Variants in CPXM2 observed in about 807,000 individuals in gnomAD.
CPXM2 encodes the protein inactive carboxypeptidase-like protein X2.
Under a neutral mutation model 86.1 loss-of-function variants are expected in CPXM2, and 66 were observed. That is an observed-to-expected ratio of 0.77 (90% CI 0.63 to 0.94). CPXM2 has a LOEUF of 0.94. CPXM2 is among the 40% of genes least tolerant of loss of function. The pLI is 0.00. For synonymous variants in CPXM2, 388 were observed against 400.2 expected, an observed-to-expected ratio of 0.97 and a Z score of 0.36; for missense variants, 948 against 1,026.3, an observed-to-expected ratio of 0.92 and a Z score of 1.04.
chr10:123,805,923 C>A (rs1267257004), intron 4 of CPXM2, among the ~76,000 whole-genome samples: 3 of 152,140 alleles, frequency 2.0e-5, no homozygotes, highest in Non-Finnish European at 2.9e-5. Context: ...CAGAACTTCA[C>A]AACACTTCAA....
At chr10:123,877,786 A>G (rs1945010718) in intron 2 of CPXM2, among the ~76,000 whole-genome samples, 1 of 152,240 alleles carries the variant, frequency 6.6e-6, no homozygotes, top group Non-Finnish European at 1.5e-5. Context: ...AGGTAGTTTG[A>G]TACTTGCCAC....
chr10:123,749,914 TC>T (rs1846036741), intron 13 of CPXM2, among the ~76,000 whole-genome samples: 1 of 151,710 alleles, frequency 6.6e-6, no homozygotes, highest in African/African-American at 2.4e-5. Flanking sequence ...CAAGCAATTC[TC>T]CTGCCTTAGC....
At chr10:123,868,090 G>A (rs931897465) in intron 2 of CPXM2, among the ~76,000 whole-genome samples, 1 of 152,182 alleles carries the variant, frequency 6.6e-6, no homozygotes, top group African/African-American at 2.4e-5. Context: ...GCAGTTCCTA[G>A]GCCTTCAGAG....
chr10:123,823,192 G>C (rs903845915), intron 4 of CPXM2, among the ~76,000 whole-genome samples: 2 of 152,128 alleles, frequency 1.3e-5, no homozygotes, highest in Non-Finnish European at 2.9e-5. Context: ...GAAAAACAGA[G>C]AGCTGTAGGA....
upstream of CPXM2, among the ~76,000 whole-genome samples, chr10:123,940,946 C>T (rs995840938): frequency 2.6e-5 from 4 of 152,080 alleles, no homozygotes; most frequent in Admixed American, 1.3e-4. Context: ...CTGAGGTGGG[C>T]GGATCACGAG....
chr10:123,866,610 G>A (rs1184023349), intron 2 of CPXM2, among the ~76,000 whole-genome samples: 1 of 151,986 alleles, frequency 6.6e-6, no homozygotes, highest in Non-Finnish European at 1.5e-5. Context: ...CTTGTCTGGA[G>A]ACTGGCCTGT....
chr10:123,853,732 C>T (rs576226069), intron 3 of CPXM2, among the ~76,000 whole-genome samples: 2 of 152,274 alleles, frequency 1.3e-5, no homozygotes, highest in South Asian at 2.1e-4. Flanking sequence ...TGGTGAAACC[C>T]TGTCTCTACT....
At chr10:123,847,612 T>C (rs1848522860) in intron 3 of CPXM2, among the ~76,000 whole-genome samples, 1 of 152,144 alleles carries the variant, frequency 6.6e-6, no homozygotes, top group African/African-American at 2.4e-5. Context: ...CCACAGTGCT[T>C]GATGGTAGTC....
Position 123,746,547 on chromosome 10 carries a change from C to T in CPXM2, c.*217G>A. On this transcript the variant is annotated 3_prime_UTR_variant, in exon 14 of 14. Transcript: ENST00000241305. ...TCTCACTCCCATCAGCTTTTCTCTG[C>T]TGCTCTGTCCAAGTTATTTGGATAA... The T allele has an allele frequency of 1.7e-6, 1 of 592,716 alleles. No homozygotes were observed. The highest frequency in any genetic ancestry group is 3.0e-6 in the Non-Finnish European group (1 of 336,576). 36.7% of individuals were successfully genotyped at this position (592,716 alleles called of 1,614,324 possible). A position where few individuals can be genotyped will look rare whatever the true frequency, so the allele number is the denominator to read the frequency against.
In CPXM2 at chr10:123,891,406, G is replaced by C. The variant is rs1945268056; in HGVS notation, c.254C>G (p.Pro85Arg). The change falls in exon 1 of 14, where the codon CCC becomes CGC. Residue 85 changes from proline to arginine, a missense_variant. By Grantham distance (103) the Pro-to-Arg change is moderately radical (BLOSUM62 -2). Transcript: ENST00000241305. The surrounding 1 kb of genome is among the most constrained non-coding windows in gnomAD (Gnocchi z 5.6). ...CTTCTCCCTCTTGGGAGCTTTCTTG[G>C]GCTTGGTGGCCCTCTTGGGCGGCCT... The part of the protein sequence containing the change: ...EPRPPKRATK[P>R]KKAPKREKSA... 1 of 1,566,572 alleles carries C rather than the reference G, an allele frequency of 6.4e-7. No homozygotes were observed. The highest frequency in any genetic ancestry group is 2.4e-5 in the East Asian group (1 of 41,898).
intron 11 of CPXM2, among the ~76,000 whole-genome samples, chr10:123,759,867 A>G (rs4625397): frequency 0.78 from 118,893 of 152,144 alleles, 46,626 homozygotes; most frequent in Non-Finnish European, 0.81. Context: ...GTGCATTTCA[A>G]AATGCATTGA....
intron 12 of CPXM2, among the ~76,000 whole-genome samples, 198 bp downstream of exon 12, chr10:123,757,015 G>C (rs563699603): frequency 6.6e-6 from 1 of 152,330 alleles, no homozygotes; most frequent in South Asian, 2.1e-4. Flanking sequence ...GGCCAGTGGG[G>C]ACAATGACCA....
chr10:123,780,237 T>C lies in CPXM2; in HGVS notation c.908A>G (p.His303Arg). ...CPLPDPNNYYHRRNEMTTTDD... is the reference protein window; with the variant it reads ...CPLPDPNNYYRRRNEMTTTDD... Reference sequence around the variant, plus strand: ...AGTGGTGGTCATCTCGTTCCGGCGGTGATAATAATTATTAGGATCTAGGGA... The same window carrying C: ...AGTGGTGGTCATCTCGTTCCGGCGGCGATAATAATTATTAGGATCTAGGGA... The change falls in exon 7 of 14, where the codon CAC becomes CGC. Residue 303 changes from histidine to arginine, a missense_variant. By Grantham distance (29) the His-to-Arg change is conservative (BLOSUM62 0). Transcript: ENST00000241305. The C allele has an allele frequency of 1.2e-6, 2 of 1,606,618 alleles. No homozygotes were observed. The highest frequency in any genetic ancestry group is 1.7e-6 in the Non-Finnish European group (2 of 1,173,226).
chr10:123,928,082 C>T (rs1027481450), intron 2 of CPXM2, among the ~76,000 whole-genome samples: 1 of 152,196 alleles, frequency 6.6e-6, no homozygotes, highest in Non-Finnish European at 1.5e-5. Flanking sequence ...GCACCCACTC[C>T]CCTCCACCAC....
chr10:123,813,091 T>A (rs112104420), intron 4 of CPXM2, among the ~76,000 whole-genome samples: 183 of 152,346 alleles, frequency 1.2e-3, no homozygotes, highest in African/African-American at 4.2e-3. Context: ...AACTACCTTT[T>A]GTGAAACAGA....
At chr10:123,864,704 C>A (rs930108393) in intron 2 of CPXM2, among the ~76,000 whole-genome samples, 1 of 152,116 alleles carries the variant, frequency 6.6e-6, no homozygotes, top group Admixed American at 6.5e-5. Context: ...GATGGACAGG[C>A]AGACATATAT....
Position 123,768,707 on chromosome 10 carries a change from T to G in CPXM2, c.1118A>C (p.His373Pro), listed in dbSNP as rs746866224. 3 of 1,609,318 alleles carry G rather than the reference T, an allele frequency of 1.9e-6. No individual in the cohort carries two copies. Among genetic ancestry groups the G allele is most frequent in the East Asian group, 2.2e-5 (1 of 44,854 alleles). The change falls in exon 9 of 14, where the codon CAC (histidine) becomes CCC (proline). Residue 373 changes from histidine to proline, a missense_variant. Transcript: ENST00000241305. Reference sequence around the variant, plus strand: ...ATTGCCGTGGGCCCCCGCGATGTAGTGGAACTCGGGCTCACCTTTACTCAA... The same window carrying G: ...ATTGCCGTGGGCCCCCGCGATGTAGGGGAACTCGGGCTCACCTTTACTCAA... Reference protein sequence around the residue: ...GEHEVGEPEFHYIAGAHGNEV... With the variant: ...GEHEVGEPEFPYIAGAHGNEV...
chr10:123,781,474 G>A (rs976130847), intron 6 of CPXM2, among the ~76,000 whole-genome samples: 6 of 152,280 alleles, frequency 3.9e-5, no homozygotes, highest in Admixed American at 2.0e-4. Context: ...TCAGGAAGAC[G>A]CCACTGGAAA....
At chr10:123,784,972 G>A (rs994260547) in intron 6 of CPXM2, among the ~76,000 whole-genome samples, 3 of 152,214 alleles carry the variant, frequency 2.0e-5, no homozygotes, top group African/African-American at 7.2e-5. Flanking sequence ...CATATACCAA[G>A]TAAAGGACTT....
Sources: allele counts gnomAD v4.1 joint callset (sites outside exome capture counted in the v4.1 genomes callset), GRCh38; gene constraint gnomAD v4.1.1; non-coding constraint Gnocchi (gnomAD v3.1); transcripts MANE v1.5; gene names NCBI Gene and HGNC (gene_info 2026-07-23, HGNC 2026-07-21).